The following WDFY2 variants were observed in gnomAD, a reference collection of about 807,000 sequenced individuals.
WDFY2 encodes WD repeat and FYVE domain-containing protein 2.
A neutral mutation model predicts 56.4 loss-of-function variants in WDFY2; 36 were observed. That is an observed-to-expected ratio of 0.64 (90% CI 0.49 to 0.84). WDFY2 has a LOEUF of 0.84. Ranked by LOEUF, WDFY2 falls within the 40% of genes least tolerant of loss-of-function variation. WDFY2 has a pLI of 0.00. For synonymous variants in WDFY2, 176 were observed against 183.7 expected (o/e 0.96, Z 0.34); for missense variants, 444 against 512.2 (o/e 0.87, Z 1.29).
chr13:51,668,374 T>A (rs1466744921), intron 2 of WDFY2, among the ~76,000 whole-genome samples: 1 of 152,240 alleles, frequency 6.6e-6, no homozygotes, highest in Non-Finnish European at 1.5e-5. Context: ...TGACCACTTC[T>A]AATTTGCTTT....
intron 4 of WDFY2, among the ~76,000 whole-genome samples, chr13:51,713,846 CAAAAAAAAAAAA>C (rs763208351): frequency 1.8e-5 from 1 of 55,370 alleles, no homozygotes; most frequent in Non-Finnish European, 3.8e-5. Flanking sequence ...GATTCCATCT[CAAAAAAAAAAAA>C]AAAAAAAAGG....
chr13:51,607,740 A>G lies in WDFY2; in HGVS notation c.137+22916A>G, dbSNP rs548911068. 1.1e-4 allele frequency among the ~76,000 whole-genome samples: 16 copies of G among 152,312 alleles called. No individual in the cohort carries two copies. The South Asian group carries it at 3.1e-3, about 30-fold the overall frequency. ...CCATGTCTCAGAACTTAGCTGCACA[A>G]CAGTTCAGCAAATACTGTTGTGATA... On this transcript the variant is annotated intron_variant, in intron 1 of 11. Transcript: ENST00000298125.
intron 1 of WDFY2, among the ~76,000 whole-genome samples, chr13:51,605,962 T>C (rs1954378451): frequency 6.6e-6 from 1 of 152,234 alleles, no homozygotes; most frequent in South Asian, 2.1e-4. Flanking sequence ...CTAACATCAA[T>C]CGCAGTTAGT....
intron 1 of WDFY2, among the ~76,000 whole-genome samples, chr13:51,620,549 G>C (rs765947668): frequency 1.3e-5 from 2 of 151,770 alleles, no homozygotes; most frequent in African/African-American, 4.8e-5. Context: ...TATCTCTCCC[G>C]TACCACTGTG....
chr13:51,761,774 C>A lies in WDFY2; in HGVS notation c.*2005C>A, dbSNP rs1486298908. 1 of 152,224 alleles carries A rather than the reference C, an allele frequency of 6.6e-6. No homozygotes were observed. The highest frequency in any genetic ancestry group is 1.5e-5 in the Non-Finnish European group (1 of 68,064). The allele number at this position is 152,224 out of a possible 1,614,324, so 9.4% of individuals were successfully genotyped here. ...GCTGCCCCAGCATTGGGAAGCAGGA[C>A]CAGTGCATGTGCCCCATGCAGCCAC... On this transcript the variant is annotated 3_prime_UTR_variant, in exon 12 of 12. Coordinates refer to ENST00000298125, the MANE Select transcript of WDFY2 (RefSeq NM_052950.4).
chr13:51,676,194 C>G (rs1239275109), intron 3 of WDFY2, among the ~76,000 whole-genome samples: 2 of 152,160 alleles, frequency 1.3e-5, no homozygotes, highest in African/African-American at 4.8e-5. Context: ...GACCTTTTTC[C>G]TAGATGTGTC....
chr13:51,656,360 T>G (rs1056191117), intron 1 of WDFY2, among the ~76,000 whole-genome samples: 3 of 152,026 alleles, frequency 2.0e-5, no homozygotes, highest in Non-Finnish European at 4.4e-5. Context: ...GAAGATACTT[T>G]GTATGATTTC....
At chr13:51,758,049 A>G (rs998090781) in intron 10 of WDFY2, 143 bp from the exon 11 acceptor site, 2 of 430,538 alleles carry the variant, frequency 4.6e-6, no homozygotes, top group South Asian at 6.1e-5. Context: ...TCACCAGGGA[A>G]TAAAGGCAGA....
chr13:51,635,523 C>T (rs1444790907), intron 1 of WDFY2, among the ~76,000 whole-genome samples: 2 of 152,186 alleles, frequency 1.3e-5, no homozygotes, highest in African/African-American at 4.8e-5. Flanking sequence ...ACCAAACTTC[C>T]TGCATTTCAC....
rs1409201124 is a variant in WDFY2 at position 51,675,237 on chromosome 13, A to G, written c.273A>G (p.Thr91=). 7 of 1,612,776 alleles carry G rather than the reference A, an allele frequency of 4.3e-6. No homozygotes were observed. Among genetic ancestry groups the G allele is most frequent in the Middle Eastern group, 1.6e-4 (1 of 6,076 alleles). Reference sequence around the variant, plus strand: ...TGTCCATAGGTCTAGACAATGGTACAATCTCAGTAAGTACACATAAATAAG... The same window carrying G: ...TGTCCATAGGTCTAGACAATGGTACGATCTCAGTAAGTACACATAAATAAG... ...RRLSIGLDNG[T]ISEFILSEDY... The change falls in exon 3 of 12, where the codon ACA becomes ACG. Residue 91 remains threonine, a synonymous_variant. Transcript: ENST00000298125.
In WDFY2 at chr13:51,719,342, G is replaced by A; in HGVS notation, c.479G>A (p.Gly160Asp). The A allele has an allele frequency of 6.3e-7, 1 of 1,581,742 alleles. No homozygotes were observed. Among genetic ancestry groups the A allele is most frequent in the Non-Finnish European group, 8.6e-7 (1 of 1,165,632 alleles). The change falls in exon 5 of 12, where the codon GGC becomes GAC. Residue 160 changes from glycine (G) to aspartate (D), a missense_variant. Physicochemically the swap from Gly to Asp is moderately conservative, Grantham distance 94. Transcript: ENST00000298125. ...TATCGGACCAGTGCTGTGGCCTCAG[G>A]CCTGCAGTATCCTTTGCTGGACAAA... ...GGYRTSAVAS[G>D]LQFDVETRHV...
At chr13:51,686,871 A>C (rs1314605713) in intron 3 of WDFY2, among the ~76,000 whole-genome samples, 1 of 151,244 alleles carries the variant, frequency 6.6e-6, no homozygotes. Flanking sequence ...TTTTTCTTTT[A>C]TTATTTGAAT....
chr13:51,651,670 T>C (rs1286079847), intron 1 of WDFY2, among the ~76,000 whole-genome samples: 1 of 152,250 alleles, frequency 6.6e-6, no homozygotes, highest in African/African-American at 2.4e-5. Context: ...GATTTTGTTA[T>C]GTACCCAGTA....
intron 2 of WDFY2, among the ~76,000 whole-genome samples, chr13:51,661,975 G>C (rs1443975843): frequency 6.6e-6 from 1 of 151,780 alleles, no homozygotes; most frequent in Non-Finnish European, 1.5e-5. Context: ...TTATTTGTTT[G>C]TTTATTTGTT....
At chr13:51,695,583 T>C (rs1020575099) in intron 3 of WDFY2, among the ~76,000 whole-genome samples, 1 of 152,208 alleles carries the variant, frequency 6.6e-6, no homozygotes, top group African/African-American at 2.4e-5. Context: ...GAGGTGTCAG[T>C]CTGCCCCTAC....
At chr13:51,624,964 G>A (rs1954813018) in intron 1 of WDFY2, among the ~76,000 whole-genome samples, 1 of 152,352 alleles carries the variant, frequency 6.6e-6, no homozygotes, top group South Asian at 2.1e-4. Flanking sequence ...GTAGGCCACG[G>A]TGAAGATTTA....
At chr13:51,660,293 T>TCC (rs1955586790) in intron 1 of WDFY2, among the ~76,000 whole-genome samples, 1 of 151,996 alleles carries the variant, frequency 6.6e-6, no homozygotes, top group Non-Finnish European at 1.5e-5. Context: ...GCCTCTGGTG[T>TCC]TCAAGTGATT....
chr13:51,751,514 G>C (rs986650422), intron 8 of WDFY2, 99 bp downstream of exon 8: 9 of 1,151,170 alleles, frequency 7.8e-6, no homozygotes, highest in Non-Finnish European at 9.0e-6. Flanking sequence ...ATGAAATAAG[G>C]CATGTAACGT....
chr13:51,738,326 A>G (rs1014380979), intron 6 of WDFY2, among the ~76,000 whole-genome samples: 4 of 152,248 alleles, frequency 2.6e-5, no homozygotes, highest in African/African-American at 7.2e-5. Flanking sequence ...TAGCCATACC[A>G]CTACAGTAAT....
Sources: allele counts gnomAD v4.1 joint callset (sites outside exome capture counted in the v4.1 genomes callset), GRCh38; gene constraint gnomAD v4.1.1; transcripts MANE v1.5; gene names NCBI Gene and HGNC (gene_info 2026-07-23, HGNC 2026-07-21).